The following MRTFA variants were observed in gnomAD, a reference collection of about 807,000 sequenced individuals.
The protein encoded by MRTFA is myocardin-related transcription factor A.
MRTFA carries 20 observed loss-of-function variants against 83.5 expected under a neutral mutation model. That is an observed-to-expected ratio of 0.24 (90% confidence interval 0.17 to 0.35). MRTFA has a LOEUF of 0.35. Ranked by LOEUF, MRTFA falls within the 10% of genes least tolerant of loss-of-function variation. The probability of loss-of-function intolerance (pLI) is 1.00; values close to 1 mark genes in which losing one functional copy is unlikely to be tolerated. For synonymous variants in MRTFA, 659 were observed against 541.2 expected (o/e 1.22, Z -3.02); for missense variants, 1,200 against 1,224.7 (o/e 0.98, Z 0.30).
At chr22:40,613,685 G>A (rs1387255746) in intron 1 of MRTFA, among the ~76,000 whole-genome samples, 8 of 151,710 alleles carry the variant, frequency 5.3e-5, no homozygotes, top group African/African-American at 1.9e-4. Context: ...GAGAGACCCT[G>A]TCTCTAGAAA....
chr22:40,502,255 C>T lies in MRTFA; in HGVS notation c.242-38969G>A, dbSNP rs1175455728. Among the ~76,000 whole-genome samples, 177 of 142,026 alleles carry T rather than the reference C, an allele frequency of 1.2e-3. 1 individual carries two copies. Among genetic ancestry groups the T allele is most frequent in the Non-Finnish European group, 1.4e-3 (88 of 64,478 alleles). 93.2% of individuals were successfully genotyped at this position (142,026 alleles called of 152,430 possible). A position where few individuals can be genotyped will look rare whatever the true frequency, so the allele number is the denominator to read the frequency against. Reference sequence around the variant, plus strand: ...GGCTGCCGGGTGGAGAGGCTCCTCACTTCTCAGACGGGGCGGCTGCCGGGC... The same window carrying T: ...GGCTGCCGGGTGGAGAGGCTCCTCATTTCTCAGACGGGGCGGCTGCCGGGC... On this transcript the variant is annotated intron_variant, in intron 3 of 14. Coordinates refer to ENST00000355630, the MANE Select transcript of MRTFA (RefSeq NM_020831.6).
chr22:40,477,678 A>G (rs539514439), intron 3 of MRTFA, among the ~76,000 whole-genome samples: 4 of 152,134 alleles, frequency 2.6e-5, no homozygotes, highest in East Asian at 1.9e-4. Context: ...CACACCTCCA[A>G]CAAGATAATT....
At chr22:40,438,533 G>A (rs773668134) in intron 4 of MRTFA, among the ~76,000 whole-genome samples, 2 of 152,180 alleles carry the variant, frequency 1.3e-5, no homozygotes, top group Non-Finnish European at 2.9e-5. Flanking sequence ...AAAGGGTGGT[G>A]CACCACTAGT....
At chr22:40,483,269 T>C (rs2054120451) in intron 3 of MRTFA, among the ~76,000 whole-genome samples, 1 of 152,042 alleles carries the variant, frequency 6.6e-6, no homozygotes, top group South Asian at 2.1e-4. Flanking sequence ...CTCACTATAT[T>C]GCCCAGGTTG....
intron 3 of MRTFA, among the ~76,000 whole-genome samples, chr22:40,544,184 A>C (rs564853716): frequency 1.3e-5 from 2 of 152,344 alleles, no homozygotes; most frequent in Non-Finnish European, 2.9e-5. Context: ...CAAAACTCAT[A>C]AACTATAAAA....
chr22:40,565,451 G>C (rs1429037606), intron 2 of MRTFA, among the ~76,000 whole-genome samples: 1 of 152,156 alleles, frequency 6.6e-6, no homozygotes, highest in Non-Finnish European at 1.5e-5. Context: ...GGGGGCTGAG[G>C]TGAGAAGATC....
chr22:40,634,312 C>T lies in MRTFA; in HGVS notation c.-84+2166G>A, dbSNP rs115185275. 8.7e-3 allele frequency among the ~76,000 whole-genome samples: 1,317 copies of T among 152,242 alleles called. 21 individuals carry two copies. Among genetic ancestry groups the T allele is most frequent in the African/African-American group, 0.031 (1,268 of 41,540 alleles). ...TATGTTGCCCAAGCGGGTCTCAACT[C>T]GAACTCCTGGCCTCAAGTGATCCTC... On this transcript the variant is annotated intron_variant, in intron 1 of 14. Transcript: ENST00000355630.
intron 3 of MRTFA, among the ~76,000 whole-genome samples, chr22:40,535,348 C>CTTTTTTTTTTTTT (rs531303160): frequency 2.8e-5 from 3 of 107,124 alleles, no homozygotes; most frequent in Non-Finnish European, 3.5e-5. Context: ...GAGGTTTTTT[C>CTTTTTTTTTTTTT]TTTTTTTTTT....
At chr22:40,538,324 A>T (rs1602402952) in intron 3 of MRTFA, among the ~76,000 whole-genome samples, 1 of 138,266 alleles carries the variant, frequency 7.2e-6, no homozygotes, top group Admixed American at 7.7e-5. Context: ...TAAATGGATT[A>T]AGGGCGGTGC....
At chr22:40,464,261 ACTCT>A (rs966694623) in intron 3 of MRTFA, among the ~76,000 whole-genome samples, 18 of 136,712 alleles carry the variant, frequency 1.3e-4, no homozygotes, top group Non-Finnish European at 2.3e-4. Context: ...AGATCACACT[ACTCT>A]CTCTCACTCC....
At chr22:40,622,481 C>CAAAAAAAAAAA (rs133041) in intron 1 of MRTFA, among the ~76,000 whole-genome samples, 31 of 133,884 alleles carry the variant, frequency 2.3e-4, no homozygotes, top group African/African-American at 7.9e-4. Context: ...ACTCCCATCT[C>CAAAAAAAAAAA]AAAAAAAAAA....
At chr22:40,423,079 C>G (rs943468055) in intron 9 of MRTFA, among the ~76,000 whole-genome samples, 1 of 152,210 alleles carries the variant, frequency 6.6e-6, no homozygotes, top group Non-Finnish European at 1.5e-5. Flanking sequence ...CAATGCCCAG[C>G]ACAGGTCCCC....
chr22:40,502,013 A>C, intron 3 of MRTFA, among the ~76,000 whole-genome samples: 1 of 66,980 alleles, frequency 1.5e-5, no homozygotes, highest in East Asian at 5.2e-4. Flanking sequence ...CGGACGGGGC[A>C]GCTGGCCAGG....
At chr22:40,439,452 C>T (rs994692065) in intron 4 of MRTFA, among the ~76,000 whole-genome samples, 1 of 142,270 alleles carries the variant, frequency 7.0e-6, no homozygotes, top group Non-Finnish European at 1.5e-5. Context: ...TTGCAGTGAG[C>T]CAAAATTGCT....
chr22:40,429,217 C>A (rs1304684420), intron 7 of MRTFA: 4 of 586,110 alleles, frequency 6.8e-6, no homozygotes, highest in Non-Finnish European at 1.2e-5. Flanking sequence ...AAGGGCCAGT[C>A]TCCAAGAAGA....
chr22:40,451,975 G>GTTTTTTTTTTTTTTTTTTTTTT (rs771103539), intron 4 of MRTFA, among the ~76,000 whole-genome samples: 1 of 80,478 alleles, frequency 1.2e-5, no homozygotes. Context: ...TTTTTTTTTG[G>GTTTTTTTTTTTTTTTTTTTTTT]TTTTTTTTTT....
At chr22:40,626,163 T>C (rs1433652311) in intron 1 of MRTFA, among the ~76,000 whole-genome samples, 1 of 151,990 alleles carries the variant, frequency 6.6e-6, no homozygotes, top group African/African-American at 2.4e-5. Flanking sequence ...TTTTTGTATT[T>C]TTAGTAGAGA....
Position 40,460,215 on chromosome 22 carries a change from G to A in MRTFA, c.307+3006C>T, listed in dbSNP as rs115390625. ...GCTGGGATTATAGGTGTGAGTCACC[G>A]CGCCTGGCCCATTTGTCTTAACAAC... On this transcript the variant is annotated intron_variant, in intron 4 of 14. Coordinates refer to ENST00000355630, the MANE Select transcript of MRTFA (RefSeq NM_020831.6). 7.0e-3 allele frequency among the ~76,000 whole-genome samples: 1,060 copies of A among 152,114 alleles called. 11 individuals carry two copies. Among genetic ancestry groups the A allele is most frequent in the African/African-American group, 0.024 (1,012 of 41,468 alleles).
At chr22:40,573,720 T>G (rs555272464) in intron 2 of MRTFA, among the ~76,000 whole-genome samples, 1 of 151,102 alleles carries the variant, frequency 6.6e-6, no homozygotes, top group Non-Finnish European at 1.5e-5. Context: ...CTGGGTAACA[T>G]AGAGAGGCCC....
Sources: gnomAD v4.1 joint callset for allele counts (sites outside exome capture counted in the v4.1 genomes callset) on GRCh38, gnomAD v4.1.1 for gene constraint, MANE v1.5 for transcripts, NCBI Gene and HGNC (gene_info 2026-07-23, HGNC 2026-07-21) for gene names.